The following RIT2 variants were observed in gnomAD, a reference collection of about 807,000 sequenced individuals.
The protein encoded by RIT2 is GTP-binding protein Rit2.
In RIT2, 24 loss-of-function variants were observed where a neutral mutation model predicts 23.7. That is an observed-to-expected ratio of 1.01 (90% CI 0.73 to 1.43). RIT2 has a LOEUF of 1.43. Ranked by LOEUF, RIT2 falls within the 40% of genes most tolerant of loss-of-function variation. The probability of loss-of-function intolerance (pLI) is 0.00; values close to 1 mark genes in which losing one functional copy is unlikely to be tolerated. For synonymous variants in RIT2, 107 were observed against 91.1 expected, an observed-to-expected ratio of 1.17 and a Z score of -0.99; for missense variants, 236 against 266.9, an observed-to-expected ratio of 0.88 and a Z score of 0.81.
intron 4 of RIT2, among the ~76,000 whole-genome samples, chr18:42,809,902 A>T (rs1467120171): frequency 7.2e-6 from 1 of 138,154 alleles, no homozygotes; most frequent in Non-Finnish European, 1.5e-5. Flanking sequence ...TATATATTAT[A>T]TATAATATAT....
intron 3 of RIT2, among the ~76,000 whole-genome samples, chr18:42,958,684 G>T (rs558644175): frequency 2.6e-5 from 4 of 152,042 alleles, no homozygotes; most frequent in African/African-American, 9.7e-5. Flanking sequence ...ACTGCCAAGC[G>T]CAACTCCTGA....
chr18:42,849,657 A>G (rs1031492459), intron 4 of RIT2, among the ~76,000 whole-genome samples: 2 of 152,238 alleles, frequency 1.3e-5, no homozygotes, highest in African/African-American at 4.8e-5. Context: ...ACAATCAGAA[A>G]AATGTGAAAA....
chr18:42,855,686 CAA>C (rs984872534), intron 4 of RIT2, among the ~76,000 whole-genome samples: 26 of 152,132 alleles, frequency 1.7e-4, no homozygotes, highest in African/African-American at 6.3e-4. Context: ...AAAAAGTTCA[CAA>C]AGTCTAGTCA....
intron 2 of RIT2, among the ~76,000 whole-genome samples, chr18:42,982,782 C>T (rs1910625659): frequency 6.6e-6 from 1 of 151,814 alleles, no homozygotes; most frequent in Non-Finnish European, 1.5e-5. Context: ...GTATATTGAA[C>T]AAAACACATA....
At chr18:42,816,777 C>A (rs1039717452) in intron 4 of RIT2, among the ~76,000 whole-genome samples, 9 of 151,952 alleles carry the variant, frequency 5.9e-5, no homozygotes, top group Non-Finnish European at 1.3e-4. Context: ...GATAAAAAAA[C>A]CAACAATAAA....
At position 43,112,236 on chromosome 18, in the gene RIT2, A is replaced by G. The variant is rs540592542; in HGVS notation, c.103+3181T>C. Reference sequence around the variant, plus strand: ...ATAATGTAGTAGAGTTAGATAAAACATCACAGAACTCTAAATTATTACCCC... The same window carrying G: ...ATAATGTAGTAGAGTTAGATAAAACGTCACAGAACTCTAAATTATTACCCC... On this transcript the variant is annotated intron_variant, in intron 1 of 4. Transcript: ENST00000326695. Among the ~76,000 whole-genome samples the G allele has an allele frequency of 1.8e-4, 27 of 152,302 alleles. No individual in the cohort carries two copies. The East Asian group carries it at 4.8e-3, about 27-fold the overall frequency.
At chr18:42,920,319 C>T (rs1168464341) in intron 4 of RIT2, among the ~76,000 whole-genome samples, 2 of 152,146 alleles carry the variant, frequency 1.3e-5, no homozygotes, top group African/African-American at 4.8e-5. Flanking sequence ...TGTCTCTCAA[C>T]TCTAACTAGC....
At chr18:42,871,919 C>A (rs1286048284) in intron 4 of RIT2, among the ~76,000 whole-genome samples, 2 of 152,118 alleles carry the variant, frequency 1.3e-5, no homozygotes, top group Non-Finnish European at 2.9e-5. Context: ...TGTACAAATG[C>A]CCTGGGAACA....
chr18:43,072,064 C>CA (rs1912910616), intron 1 of RIT2, among the ~76,000 whole-genome samples: 1 of 152,076 alleles, frequency 6.6e-6, no homozygotes, highest in African/African-American at 2.4e-5. Context: ...CAGCTCATTG[C>CA]AATATCCACC....
intron 4 of RIT2, among the ~76,000 whole-genome samples, chr18:42,807,371 C>T (rs1249850948): frequency 3.3e-5 from 5 of 152,164 alleles, no homozygotes; most frequent in Admixed American, 3.3e-4. Context: ...AATTCCAGCA[C>T]TTTGGGAAAC....
chr18:42,965,297 T>A (rs1230357385), intron 3 of RIT2, among the ~76,000 whole-genome samples: 2 of 152,158 alleles, frequency 1.3e-5, no homozygotes, highest in East Asian at 3.9e-4. Context: ...CAAGAAATAT[T>A]TTCTCTTACC....
intron 4 of RIT2, among the ~76,000 whole-genome samples, chr18:42,879,878 T>C (rs1907841279): frequency 6.6e-6 from 1 of 152,198 alleles, no homozygotes; most frequent in Non-Finnish European, 1.5e-5. Flanking sequence ...TGAGTTTTAA[T>C]CTCAATGTAT....
intron 4 of RIT2, among the ~76,000 whole-genome samples, chr18:42,896,679 A>G (rs1050437808): frequency 1.3e-5 from 2 of 152,216 alleles, no homozygotes; most frequent in Admixed American, 6.5e-5. Flanking sequence ...ATCTATTGTG[A>G]TAAGAAGTCT....
chr18:42,779,479 T>A (rs1393041429), intron 4 of RIT2, among the ~76,000 whole-genome samples: 1 of 152,120 alleles, frequency 6.6e-6, no homozygotes, highest in Non-Finnish European at 1.5e-5. Flanking sequence ...ATCTCCCAGC[T>A]TTTTTTGCAG....
At chr18:43,051,250 T>G (rs1912375222) in intron 1 of RIT2, among the ~76,000 whole-genome samples, 1 of 152,150 alleles carries the variant, frequency 6.6e-6, no homozygotes. Context: ...TGTTAATGAT[T>G]GCTGTTGTGG....
chr18:42,893,296 G>A (rs1264877010), intron 4 of RIT2, among the ~76,000 whole-genome samples: 1 of 150,450 alleles, frequency 6.6e-6, no homozygotes, highest in East Asian at 2.0e-4. Context: ...CCTTAGTCTT[G>A]TTAATGCAAA....
At chr18:42,965,521 AT>A (rs1910195839) in intron 3 of RIT2, among the ~76,000 whole-genome samples, 2 of 152,248 alleles carry the variant, frequency 1.3e-5, no homozygotes, top group Admixed American at 1.3e-4. Context: ...ATTGTCATTC[AT>A]TTATATAATC....
Position 42,788,493 on chromosome 18 carries a change from T to C in RIT2, c.427-44773A>G, listed in dbSNP as rs565866944. Among the ~76,000 whole-genome samples the C allele has an allele frequency of 2.0e-5, 3 of 152,328 alleles. No individual in the cohort carries two copies. The East Asian group carries it at 5.8e-4, about 29-fold the overall frequency. ...TGCAATTTGAATGAATCTTTATCCA[T>C]GAATTGTTTTGAAATATCCTGCATT... On this transcript the variant is annotated intron_variant, in intron 4 of 4. Transcript: ENST00000326695.
chr18:42,951,136 A>G (rs374643646), intron 3 of RIT2, among the ~76,000 whole-genome samples: 5 of 152,248 alleles, frequency 3.3e-5, no homozygotes, highest in African/African-American at 9.6e-5. Context: ...TCATGGCATT[A>G]TTCACAATAT....
Sources: gnomAD v4.1 joint callset for allele counts (sites outside exome capture counted in the v4.1 genomes callset) on GRCh38, gnomAD v4.1.1 for gene constraint, MANE v1.5 for transcripts, NCBI Gene and HGNC (gene_info 2026-07-23, HGNC 2026-07-21) for gene names.